The following ATF2 variants were observed in gnomAD, a reference collection of about 807,000 sequenced individuals.
The protein encoded by ATF2 is activating transcription factor 2.
Under a neutral mutation model 60.6 loss-of-function variants are expected in ATF2, and 24 were observed. The observed-to-expected ratio is 0.40, with a 90% CI of 0.29 to 0.56. The LOEUF is 0.56. Ranked by LOEUF, ATF2 falls within the 20% of genes least tolerant of loss-of-function variation. The pLI is 0.54. For missense variants in ATF2, 433 were observed against 607.7 expected, an observed-to-expected ratio of 0.71 and a Z score of 3.02; for synonymous variants, 206 against 215.4, an observed-to-expected ratio of 0.96 and a Z score of 0.38.
chr2:175,156,423 A>T (rs1031481242), intron 1 of ATF2, among the ~76,000 whole-genome samples: 1 of 151,358 alleles, frequency 6.6e-6, no homozygotes, highest in Non-Finnish European at 1.5e-5. Context: ...ATCCAAAAAT[A>T]AGATAGATTC....
intron 2 of ATF2, among the ~76,000 whole-genome samples, chr2:175,145,501 C>T (rs1698888909): frequency 6.6e-6 from 1 of 152,164 alleles, no homozygotes; most frequent in African/African-American, 2.4e-5. Flanking sequence ...GAGCAGATGC[C>T]AGTGCCATGC....
At chr2:175,077,850 A>G (rs1380473593) in intron 13 of ATF2, among the ~76,000 whole-genome samples, 1 of 152,188 alleles carries the variant, frequency 6.6e-6, no homozygotes, top group Admixed American at 6.5e-5. Context: ...AATCACAAGC[A>G]CTAGAGAGAT....
rs61440218 is a variant in ATF2 at position 175,094,403 on chromosome 2, GAAAAAAAAAAAA to G, written c.979-1148_979-1137del. On this transcript the variant is annotated intron_variant, in intron 11 of 13. Coordinates refer to ENST00000264110, the MANE Select transcript of ATF2 (RefSeq NM_001880.4). ...AGCGAGACTCAGTCTCAAAAAATAC[GAAAAAAAAAAAA>G]AAAAAAAAAAAAAAGAAAGAAGAAA... Among the ~76,000 whole-genome samples, 166 of 61,142 alleles carry G rather than the reference GAAAAAAAAAAAA, an allele frequency of 2.7e-3. 1 individual carries two copies. Among genetic ancestry groups the G allele is most frequent in the African/African-American group, 6.9e-3 (149 of 21,550 alleles). The allele number at this position is 61,142 out of a possible 152,430, so 40.1% of individuals were successfully genotyped here.
At chr2:175,132,481 G>A (rs956393542) in intron 3 of ATF2, among the ~76,000 whole-genome samples, 1 of 152,094 alleles carries the variant, frequency 6.6e-6, no homozygotes, top group East Asian at 1.9e-4. Flanking sequence ...ATATCACACT[G>A]AATGTTGAAC....
intron 4 of ATF2, among the ~76,000 whole-genome samples, chr2:175,125,546 G>T (rs1697273039): frequency 6.6e-6 from 1 of 152,010 alleles, no homozygotes; most frequent in South Asian, 2.1e-4. Flanking sequence ...AATACACGAA[G>T]AAACTTAGAA....
intron 3 of ATF2, among the ~76,000 whole-genome samples, chr2:175,131,783 G>C (rs892958641): frequency 6.6e-6 from 1 of 152,080 alleles, no homozygotes; most frequent in African/African-American, 2.4e-5. Context: ...TCTCAAACAG[G>C]ATCCTCTACA....
intron 2 of ATF2, among the ~76,000 whole-genome samples, chr2:175,141,005 A>G (rs1297429176): frequency 2.0e-5 from 1 of 50,358 alleles, no homozygotes; most frequent in South Asian, 7.8e-4. Context: ...TCAGGAAAAA[A>G]AAAAAAAAAA....
chr2:175,147,123 GATATC>G (rs926497308), intron 2 of ATF2, among the ~76,000 whole-genome samples: 9 of 152,096 alleles, frequency 5.9e-5, no homozygotes, highest in Admixed American at 5.9e-4. Flanking sequence ...CTCAAAGGGT[GATATC>G]ATATAATCAT....
chr2:175,165,397 G>T lies in ATF2; in HGVS notation c.-143+2653C>A, dbSNP rs540268933. 2.6e-5 allele frequency among the ~76,000 whole-genome samples: 4 copies of T among 152,210 alleles called. No individual in the cohort carries two copies. The South Asian group carries it at 6.2e-4, about 24-fold the overall frequency. On this transcript the variant is annotated intron_variant, in intron 1 of 13. Transcript: ENST00000264110. ...GAAGAGCCTTTAGACAAAATTAGTA[G>T]AAAAAGCACACATTGGTGAGATTGT...
intron 12 of ATF2, chr2:175,092,519 G>A: frequency 5.1e-6 from 2 of 391,172 alleles, no homozygotes; most frequent in African/African-American, 2.2e-5. Context: ...GAAATGATCT[G>A]TACTGCCACT....
intron 10 of ATF2, among the ~76,000 whole-genome samples, chr2:175,106,390 G>A (rs1695665748): frequency 1.3e-5 from 2 of 151,304 alleles, no homozygotes; most frequent in African/African-American, 4.9e-5. Flanking sequence ...AGCTGGGTGT[G>A]GTGGCAGGTG....
intron 1 of ATF2, among the ~76,000 whole-genome samples, chr2:175,154,236 T>A (rs58508290): frequency 0.022 from 2,715 of 121,670 alleles, 36 homozygotes; most frequent in South Asian, 0.062. Flanking sequence ...AAAAAAAAAA[T>A]ATATATATAT....
chr2:175,129,224 T>C (rs1697562281), intron 4 of ATF2, among the ~76,000 whole-genome samples: 3 of 152,154 alleles, frequency 2.0e-5, no homozygotes, highest in South Asian at 2.1e-4. Context: ...ATACATACTA[T>C]ATGATTCCAT....
intron 2 of ATF2, among the ~76,000 whole-genome samples, chr2:175,148,447 G>A (rs564570083): frequency 6.6e-6 from 1 of 152,246 alleles, no homozygotes; most frequent in Non-Finnish European, 1.5e-5. Flanking sequence ...GATAGCTGAA[G>A]TGTGGGACTG....
intron 2 of ATF2, among the ~76,000 whole-genome samples, chr2:175,138,032 T>G (rs997644979): frequency 6.6e-6 from 1 of 152,156 alleles, no homozygotes; most frequent in African/African-American, 2.4e-5. Context: ...AAGGGAGGTT[T>G]TGCTGAGCTA....
In ATF2 at chr2:175,118,414, A is replaced by G. The variant is rs764516872; in HGVS notation, c.200-45T>C. 5 of 1,476,908 alleles carry G rather than the reference A, an allele frequency of 3.4e-6. No individual in the cohort carries two copies. The South Asian group carries it at 6.0e-5, about 18-fold the overall frequency. The allele number at this position is 1,476,908 out of a possible 1,614,324, so 91.5% of individuals were successfully genotyped here. On this transcript the variant is annotated intron_variant, in intron 5 of 13. Transcript: ENST00000264110. ...GTAATCATGCATATTTAAATATGTT[A>G]AGACTCTAAAATATAGCTACTAAGT... is the stretch of plus-strand genomic sequence containing the variant.
In ATF2 at chr2:175,074,466, C is replaced by T. The variant is rs1374453370; in HGVS notation, c.*143G>A. 1.8e-6 allele frequency: 2 copies of T among 1,083,286 alleles called. No homozygotes were observed. The highest frequency in any genetic ancestry group is 3.0e-5 in the Admixed American group (1 of 33,066). The allele number at this position is 1,083,286 out of a possible 1,614,324, so 67.1% of individuals were successfully genotyped here. On this transcript the variant is annotated 3_prime_UTR_variant, in exon 14 of 14. Transcript: ENST00000264110. ...TTCAGTCTGATCAACTGCTGCTACA[C>T]CAACTTTAGAGCCAAATTTAATTTC...
rs375093303 is a variant in ATF2 at position 175,126,465 on chromosome 2, T to C, written c.102+3673A>G. ...TATCAGACATTAGGGGATAGGGAAG[T>C]GGAGGTAGAAAGTATGCATGTTAAC... On this transcript the variant is annotated intron_variant, in intron 4 of 13. Coordinates refer to ENST00000264110, the MANE Select transcript of ATF2 (RefSeq NM_001880.4). 4.6e-5 allele frequency among the ~76,000 whole-genome samples: 7 copies of C among 152,116 alleles called. No individual in the cohort carries two copies. The East Asian group carries it at 1.2e-3, about 25-fold the overall frequency.
chr2:175,083,130 G>A (rs899264830), intron 12 of ATF2, among the ~76,000 whole-genome samples: 1 of 151,620 alleles, frequency 6.6e-6, no homozygotes, highest in Admixed American at 6.6e-5. Flanking sequence ...TTTCTTCACA[G>A]AATTGGAAAA....
Sources: allele counts gnomAD v4.1 joint callset (sites outside exome capture counted in the v4.1 genomes callset), GRCh38; gene constraint gnomAD v4.1.1; transcripts MANE v1.5; gene names NCBI Gene and HGNC (gene_info 2026-07-23, HGNC 2026-07-21).